SUCLA2: variants seen among roughly 807,000 people sequenced by gnomAD.
The protein encoded by SUCLA2 is succinate-CoA ligase ADP-forming subunit beta, also known as succinate--CoA ligase [ADP-forming] subunit beta, mitochondrial.
Under a neutral mutation model 54.8 loss-of-function variants are expected in SUCLA2, and 30 were observed. The observed-to-expected ratio is 0.55, with a 90% CI of 0.41 to 0.74. The LOEUF (loss-of-function observed/expected upper bound fraction) is 0.74, where lower values mean the gene tolerates loss of function less well. Ranked by LOEUF, SUCLA2 falls within the 30% of genes least tolerant of loss-of-function variation. SUCLA2 has a pLI of 0.00. For missense variants in SUCLA2, 476 were observed against 562.9 expected (o/e 0.85, Z 1.56); for synonymous variants, 172 against 188.9 (o/e 0.91, Z 0.74).
In SUCLA2 at chr13:47,988,676, T is replaced by G; in HGVS notation, c.399A>C (p.Ser133=). ...TAAACAATTTTTTCCCAATCATTTG[T>G]GAAGAAACAGCTTTTGCTTCTTCTG... ...FSPEEAKAVS[S]QMIGKKLFTK... The change falls in exon 4 of 11, where the codon TCA becomes TCC. Residue 133 remains serine (S), a synonymous_variant. Transcript: ENST00000646932. 6.2e-7 allele frequency: 1 copy of G among 1,613,926 alleles called. No individual in the cohort carries two copies. Among genetic ancestry groups the G allele is most frequent in the East Asian group, 2.2e-5 (1 of 44,826 alleles).
intron 1 of SUCLA2, among the ~76,000 whole-genome samples, chr13:47,999,694 A>G (rs1194320341): frequency 7.0e-6 from 1 of 142,502 alleles, no homozygotes; most frequent in Non-Finnish European, 1.5e-5. Flanking sequence ...GCGACAGAGC[A>G]AGACTCCGTC....
chr13:48,001,255 CAT>C lies in SUCLA2; in HGVS notation c.13_14del (p.Met5ValfsTer34). 1.2e-6 allele frequency: 2 copies of C among 1,603,902 alleles called. No individual in the cohort carries two copies. The highest frequency in any genetic ancestry group is 1.7e-6 in the Non-Finnish European group (2 of 1,175,970). ...CCACGGCCACTAGCCTGCCGTAGAA[CAT>C]GGAGGCCGCCATTTCTGAGTCGGAC... Reference protein sequence around the residue: MAASMFYGRLVAVAT... With the variant: MAASXFYGRLVAVAT... On this transcript the variant is annotated frameshift_variant, in exon 1 of 11. Coordinates refer to ENST00000646932, the MANE Select transcript of SUCLA2 (RefSeq NM_003850.3). LOFTEE classifies it high-confidence loss of function.
chr13:47,985,545 T>C (rs1383807621), intron 4 of SUCLA2, among the ~76,000 whole-genome samples: 1 of 152,218 alleles, frequency 6.6e-6, no homozygotes, highest in Non-Finnish European at 1.5e-5. Context: ...ACTCCATCCA[T>C]ATCCCTGCAA....
intron 6 of SUCLA2, among the ~76,000 whole-genome samples, chr13:47,959,236 T>A (rs1949846637): frequency 6.6e-6 from 1 of 152,004 alleles, no homozygotes; most frequent in Non-Finnish European, 1.5e-5. Flanking sequence ...AAAAAGTTTT[T>A]TATGAAACAA....
At chr13:48,000,950 C>T in intron 1 of SUCLA2, 1 of 1,403,696 alleles carries the variant, frequency 7.1e-7, no homozygotes. Flanking sequence ...CAGCCACGGC[C>T]GGGCCGCCGG....
intron 4 of SUCLA2, among the ~76,000 whole-genome samples, chr13:47,985,401 C>T (rs376989316): frequency 7.9e-5 from 12 of 151,638 alleles, no homozygotes; most frequent in Non-Finnish European, 1.5e-4. Flanking sequence ...ACCCCCACCC[C>T]GACAGGCCCC....
intron 4 of SUCLA2, among the ~76,000 whole-genome samples, chr13:47,975,635 TTA>T (rs1950006295): frequency 6.6e-6 from 1 of 152,162 alleles, no homozygotes; most frequent in African/African-American, 2.4e-5. Flanking sequence ...TGTTAAACTT[TTA>T]TTTAGGAAAA....
chr13:47,999,169 T>A (rs1017709560), intron 1 of SUCLA2, among the ~76,000 whole-genome samples: 1 of 151,428 alleles, frequency 6.6e-6, no homozygotes, highest in East Asian at 2.0e-4. Context: ...CAAGGTCTCA[T>A]CCCAGTTTAA....
intron 10 of SUCLA2, among the ~76,000 whole-genome samples, chr13:47,943,782 T>TATATA (rs879679737): frequency 2.4e-3 from 287 of 118,756 alleles, no homozygotes; most frequent in South Asian, 4.9e-3. Context: ...ATATATATAT[T>TATATA]ATTCTAAATT....
chr13:47,968,477 A>T (rs1039596500), intron 6 of SUCLA2, 118 bp downstream of exon 6: 73 of 1,166,938 alleles, frequency 6.3e-5, no homozygotes, highest in East Asian at 9.9e-5. Flanking sequence ...ATTTTTTTTT[A>T]AAAAGCTTCT....
intron 8 of SUCLA2, among the ~76,000 whole-genome samples, chr13:47,950,957 A>G (rs1949770884): frequency 6.6e-6 from 1 of 152,166 alleles, no homozygotes; most frequent in Non-Finnish European, 1.5e-5. Flanking sequence ...GACCTTTAAG[A>G]AATGAAGCTC....
At chr13:47,964,171 C>T (rs1949896529) in intron 6 of SUCLA2, among the ~76,000 whole-genome samples, 1 of 151,704 alleles carries the variant, frequency 6.6e-6, no homozygotes, top group Non-Finnish European at 1.5e-5. Flanking sequence ...GGATAGACCT[C>T]AAAGGCATTA....
intron 4 of SUCLA2, among the ~76,000 whole-genome samples, chr13:47,977,512 G>A (rs1566088711): frequency 6.7e-6 from 1 of 150,136 alleles, no homozygotes; most frequent in Non-Finnish European, 1.5e-5. Flanking sequence ...AAATAATGAT[G>A]AAAAAAAAAC....
At chr13:47,945,521 G>A (rs935905181) in intron 10 of SUCLA2, among the ~76,000 whole-genome samples, 1 of 150,796 alleles carries the variant, frequency 6.6e-6, no homozygotes, top group Non-Finnish European at 1.5e-5. Context: ...TAAACATAAT[G>A]GAAGGGAAGA....
intron 6 of SUCLA2, among the ~76,000 whole-genome samples, chr13:47,965,837 AG>A (rs1949913913): frequency 6.6e-6 from 1 of 152,226 alleles, no homozygotes; most frequent in South Asian, 2.1e-4. Flanking sequence ...TCACGAAGTC[AG>A]GAGATCAAGA....
intron 9 of SUCLA2, 21 bp downstream of exon 9, chr13:47,949,462 C>T (rs753136862): frequency 3.0e-5 from 48 of 1,612,978 alleles, no homozygotes; most frequent in Non-Finnish European, 4.1e-5. Context: ...GGAACAACTG[C>T]AAGATACCTT....
At chr13:47,969,615 T>A (rs1441032097) in intron 5 of SUCLA2, among the ~76,000 whole-genome samples, 1 of 152,354 alleles carries the variant, frequency 6.6e-6, no homozygotes, top group East Asian at 1.9e-4. Context: ...AGAGGATACA[T>A]GTCTATGTGT....
In SUCLA2 at chr13:47,967,192, G is replaced by T. The variant is rs537995740; in HGVS notation, c.802+1403C>A. On this transcript the variant is annotated intron_variant, in intron 6 of 10. Transcript: ENST00000646932. ...GGATTAAAAAAGTGTTTTTCTAAATGTTGGGTAGCCCATTAAATTTTTAAA... is the reference window on the plus strand; with the variant it reads ...GGATTAAAAAAGTGTTTTTCTAAATTTTGGGTAGCCCATTAAATTTTTAAA... Among the ~76,000 whole-genome samples the T allele has an allele frequency of 3.3e-5, 5 of 152,204 alleles. No individual in the cohort carries two copies. In the South Asian group the frequency reaches 1.0e-3, roughly 32 times the overall value.
In SUCLA2 at chr13:47,943,416, T is replaced by C; in HGVS notation, c.1347A>G (p.Leu449=). 6.2e-7 allele frequency: 1 copy of C among 1,613,928 alleles called. No homozygotes were observed. The stretch of plus-strand genomic sequence containing the variant: ...TCACATCCACATGTGCTTGCTTCGC[T>C]AAGGTCACTATTTCAGAGAGCTTTA... ...MVVKLSEIVT[L]AKQAHVDVKF... The change falls in exon 11 of 11, where the codon TTA becomes TTG. Residue 449 remains leucine, a synonymous_variant. Transcript: ENST00000646932.
Sources: allele counts gnomAD v4.1 joint callset (sites outside exome capture counted in the v4.1 genomes callset), GRCh38; gene constraint gnomAD v4.1.1; transcripts MANE v1.5; gene names NCBI Gene and HGNC (gene_info 2026-07-23, HGNC 2026-07-21).